Variants in PRKAR1B observed in about 807,000 individuals in gnomAD.
PRKAR1B encodes protein kinase cAMP-dependent type I regulatory subunit beta, also known as cAMP-dependent protein kinase type I-beta regulatory subunit.
Under a neutral mutation model 46.5 loss-of-function variants are expected in PRKAR1B, and 22 were observed. The observed-to-expected ratio is 0.47, with a 90% CI of 0.34 to 0.68. The LOEUF (loss-of-function observed/expected upper bound fraction) is 0.68, where lower values mean the gene tolerates loss of function less well. Among genes scored for constraint, PRKAR1B ranks in the 30% least tolerant of loss-of-function variants. The pLI is 0.01. For missense variants in PRKAR1B, 445 were observed against 535.6 expected, an observed-to-expected ratio of 0.83 and a Z score of 1.67; for synonymous variants, 259 against 217.7, an observed-to-expected ratio of 1.19 and a Z score of -1.67.
chr7:658,784 G>A (rs1401404240), intron 4 of PRKAR1B, among the ~76,000 whole-genome samples: 1 of 152,016 alleles, frequency 6.6e-6, no homozygotes, highest in East Asian at 1.9e-4. Flanking sequence ...CTGAGTAGCT[G>A]GGACTACAGG....
chr7:711,591 G>A (rs1346178262), intron 1 of PRKAR1B, 64 bp from the exon 2 acceptor site: 2 of 1,433,392 alleles, frequency 1.4e-6, no homozygotes, highest in East Asian at 2.3e-5. Flanking sequence ...CCGGATAAAC[G>A]CAGGCGGCGT....
In PRKAR1B at chr7:607,440, A is replaced by G. The variant is rs1452811365; in HGVS notation, c.453T>C (p.Asp151=). ...CGATGTGAGTGACAGGGAACATGGC[A>G]TCGAATATGTCACTGAAAAGCAAAA... is the stretch of plus-strand genomic sequence containing the variant. ...LDDNERSDIF[D]AMFPVTHIAG... The change falls in exon 5 of 11, where the codon GAT becomes GAC. Residue 151 remains aspartate, a synonymous_variant. Coordinates refer to ENST00000537384, the MANE Select transcript of PRKAR1B (RefSeq NM_001164760.2). 5.0e-6 allele frequency: 8 copies of G among 1,613,992 alleles called. No homozygotes were observed. The highest frequency in any genetic ancestry group is 6.8e-6 in the Non-Finnish European group (8 of 1,179,864).
At chr7:577,156 G>A (rs751168704) in intron 9 of PRKAR1B, among the ~76,000 whole-genome samples, 15 of 150,350 alleles carry the variant, frequency 1.0e-4, no homozygotes, top group Admixed American at 1.3e-4. Context: ...GGCCCCAGCC[G>A]CATTGCTGGG....
chr7:685,883 T>A (rs1040245523), intron 2 of PRKAR1B, among the ~76,000 whole-genome samples: 3 of 152,178 alleles, frequency 2.0e-5, no homozygotes, highest in East Asian at 1.9e-4. Context: ...TCTAGTTTTT[T>A]AAAAAATATA....
At chr7:678,475 T>C (rs1778466719) in intron 3 of PRKAR1B, among the ~76,000 whole-genome samples, 1 of 152,236 alleles carries the variant, frequency 6.6e-6, no homozygotes, top group Non-Finnish European at 1.5e-5. Flanking sequence ...TCTGTCTGTC[T>C]GTCTGTCTGA....
intron 9 of PRKAR1B, among the ~76,000 whole-genome samples, chr7:570,077 G>A (rs1310509014): frequency 6.6e-6 from 1 of 152,272 alleles, no homozygotes; most frequent in Non-Finnish European, 1.5e-5. Flanking sequence ...CCCTCAGACA[G>A]GGAAGACTTG....
intron 7 of PRKAR1B, among the ~76,000 whole-genome samples, chr7:590,918 CGAGAGCG>C (rs1226948209): frequency 6.6e-6 from 1 of 152,162 alleles, no homozygotes; most frequent in Non-Finnish European, 1.5e-5. Flanking sequence ...TGTCTGCCCC[CGAGAGCG>C]GAGAGCGGGC....
chr7:727,631 T>G, upstream of PRKAR1B: 1 of 152,492 alleles, frequency 6.6e-6, no homozygotes, highest in Non-Finnish European at 1.4e-5. Flanking sequence ...CCGTGACCCC[T>G]GTTCCTGCTT....
chr7:684,335 C>T (rs574167110), intron 2 of PRKAR1B, among the ~76,000 whole-genome samples: 18 of 152,330 alleles, frequency 1.2e-4, no homozygotes, highest in Middle Eastern at 3.4e-3. Flanking sequence ...TATATCTTGA[C>T]GGAGCTTCCC....
intron 7 of PRKAR1B, among the ~76,000 whole-genome samples, chr7:590,925 G>A (rs1430683417): frequency 1.3e-5 from 2 of 152,166 alleles, no homozygotes; most frequent in Admixed American, 6.5e-5. Context: ...CCCCGAGAGC[G>A]GAGAGCGGGC....
intron 9 of PRKAR1B, among the ~76,000 whole-genome samples, chr7:575,064 G>A (rs1371363827): frequency 6.6e-6 from 1 of 152,232 alleles, no homozygotes; most frequent in Non-Finnish European, 1.5e-5. Flanking sequence ...AGCCATTCCT[G>A]AAGTCAGCGA....
intron 1 of PRKAR1B, among the ~76,000 whole-genome samples, chr7:713,568 C>CA (rs35397987): frequency 0.013 from 1,949 of 152,084 alleles, 46 homozygotes; most frequent in African/African-American, 0.044. Context: ...GGTCCACACT[C>CA]ACGTATACAC....
intron 4 of PRKAR1B, among the ~76,000 whole-genome samples, chr7:674,519 C>G (rs373968074): frequency 2.0e-3 from 304 of 150,386 alleles, no homozygotes; most frequent in African/African-American, 7.4e-3. Context: ...GGCAGCCATG[C>G]CCAGCTACTC....
chr7:616,110 C>T (rs1329070985), intron 4 of PRKAR1B, among the ~76,000 whole-genome samples: 4 of 152,172 alleles, frequency 2.6e-5, no homozygotes, highest in Non-Finnish European at 5.9e-5. Flanking sequence ...GCCCTGCCCG[C>T]GGGTGCACAC....
At chr7:722,572 A>G (rs1745939754) in intron 1 of PRKAR1B, among the ~76,000 whole-genome samples, 1 of 149,308 alleles carries the variant, frequency 6.7e-6, no homozygotes, top group South Asian at 2.1e-4. Context: ...GGGTTTCACC[A>G]TGTTGTCCAG....
At chr7:596,061 C>A in intron 7 of PRKAR1B, 85 bp downstream of exon 7, 2 of 1,509,684 alleles carry the variant, frequency 1.3e-6, no homozygotes, top group Non-Finnish European at 1.8e-6. Flanking sequence ...CCAGGTGCAT[C>A]CCCACCTTGA....
intron 9 of PRKAR1B, among the ~76,000 whole-genome samples, chr7:564,460 A>G (rs1195536150): frequency 6.6e-6 from 1 of 152,178 alleles, no homozygotes; most frequent in Non-Finnish European, 1.5e-5. Flanking sequence ...CCTTCCAGGC[A>G]AGCCTGTGGC....
chr7:567,397 TCAC>T (rs1467376509), intron 9 of PRKAR1B, among the ~76,000 whole-genome samples: 2 of 143,382 alleles, frequency 1.4e-5, no homozygotes, highest in African/African-American at 2.6e-5. Context: ...TCCATCATCA[TCAC>T]CATCACCTCC....
intron 2 of PRKAR1B, among the ~76,000 whole-genome samples, chr7:684,456 A>T (rs73256236): frequency 3.2e-4 from 49 of 152,330 alleles, no homozygotes; most frequent in African/African-American, 1.1e-3. Flanking sequence ...CAATGACCAG[A>T]ATGGCAGGAA....
Sources: allele counts gnomAD v4.1 joint callset (sites outside exome capture counted in the v4.1 genomes callset), GRCh38; gene constraint gnomAD v4.1.1; transcripts MANE v1.5; gene names NCBI Gene and HGNC (gene_info 2026-07-23, HGNC 2026-07-21).